Variants in PGGT1B observed in about 807,000 individuals in gnomAD.
PGGT1B encodes the protein protein geranylgeranyltransferase type I subunit beta.
In PGGT1B, 30 loss-of-function variants were observed where a neutral mutation model predicts 46.1. The ratio of observed to expected loss-of-function variants is 0.65; its 90% confidence interval spans 0.49 to 0.88. PGGT1B has a LOEUF of 0.88. PGGT1B is among the 40% of genes least tolerant of loss of function. PGGT1B has a pLI of 0.00. For synonymous variants in PGGT1B, 170 were observed against 160.0 expected (o/e 1.06, Z -0.47); for missense variants, 376 against 455.9 (o/e 0.82, Z 1.60).
At chr5:115,219,123 T>C (rs1473530799) in intron 7 of PGGT1B, among the ~76,000 whole-genome samples, 1 of 151,816 alleles carries the variant, frequency 6.6e-6, no homozygotes, top group East Asian at 1.9e-4. Flanking sequence ...CATATCAAAT[T>C]GCAAGGGGCT....
intron 2 of PGGT1B, among the ~76,000 whole-genome samples, chr5:115,246,334 T>A (rs1360625919): frequency 6.7e-6 from 1 of 149,548 alleles, no homozygotes; most frequent in Non-Finnish European, 1.5e-5. Context: ...CCATCCTGGG[T>A]GACAGAATGA....
chr5:115,253,080 A>G, intron 2 of PGGT1B, 57 bp downstream of exon 2: 1 of 1,486,530 alleles, frequency 6.7e-7, no homozygotes, highest in Non-Finnish European at 9.2e-7. Flanking sequence ...AGTCCAACAC[A>G]TGTTATGTCA....
intron 2 of PGGT1B, among the ~76,000 whole-genome samples, chr5:115,242,045 C>G (rs1459896807): frequency 6.6e-6 from 1 of 152,156 alleles, no homozygotes; most frequent in Non-Finnish European, 1.5e-5. Flanking sequence ...TTTACTTTAA[C>G]TCATTGCTTC....
At chr5:115,225,214 G>T (rs1339681318) in intron 6 of PGGT1B, among the ~76,000 whole-genome samples, 11 of 152,156 alleles carry the variant, frequency 7.2e-5, no homozygotes, top group Admixed American at 7.2e-4. Flanking sequence ...GAATAAGAAA[G>T]ATTTTCATCT....
chr5:115,249,254 T>C (rs912593329), intron 2 of PGGT1B, among the ~76,000 whole-genome samples: 1 of 152,170 alleles, frequency 6.6e-6, no homozygotes, highest in Non-Finnish European at 1.5e-5. Flanking sequence ...CATTTAATCA[T>C]ATATATTATA....
rs747075976 is a variant in PGGT1B at position 115,212,428 on chromosome 5, A to C, written c.1108T>G (p.Ser370Ala). 6.3e-7 allele frequency: 1 copy of C among 1,575,450 alleles called. No individual in the cohort carries two copies. Among genetic ancestry groups the C allele is most frequent in the Non-Finnish European group, 8.7e-7 (1 of 1,154,922 alleles). The change falls in exon 9 of 9, where the codon TCA becomes GCA. Residue 370 changes from serine (S) to alanine (A), a missense_variant. Coordinates refer to ENST00000419445, the MANE Select transcript of PGGT1B (RefSeq NM_005023.4). ...CATGTGGAGATATGTACATTCTCTG[A>C]GCATTGTTTAGAGTCCTTGGTTTTC... is the stretch of plus-strand genomic sequence containing the variant. ...SWKTKDSKQC[S>A]ENVHIST
chr5:115,241,293 G>T (rs1212785061), intron 3 of PGGT1B, among the ~76,000 whole-genome samples: 1 of 152,106 alleles, frequency 6.6e-6, no homozygotes, highest in East Asian at 1.9e-4. Flanking sequence ...ACAATTAATA[G>T]AAATTTGTGT....
At position 115,231,010 on chromosome 5, in the gene PGGT1B, A is replaced by G; in HGVS notation, c.624T>C (p.Asn208=). Residue 208 remains asparagine (N), a synonymous_variant, in exon 6 of 9, where the codon AAT becomes AAC. Coordinates refer to ENST00000419445, the MANE Select transcript of PGGT1B (RefSeq NM_005023.4). ...CAAGTCCAGCTCCCTGTGCCAGTCC[A>G]TTGTCATAGGACTGAAAAAGAAAAA... The part of the protein sequence containing the change: ...TYIRRSMSYD[N]GLAQGAGLES... 1 of 1,558,098 alleles carries G rather than the reference A, an allele frequency of 6.4e-7. No homozygotes were observed. The highest frequency in any genetic ancestry group is 8.8e-7 in the Non-Finnish European group (1 of 1,139,484).
rs999000592 is a variant in PGGT1B, at chr5:115,216,869, A to G, written c.948T>C (p.His316=). Residue 316 remains histidine, a synonymous_variant, in exon 8 of 9, where the codon CAT becomes CAC. Coordinates refer to ENST00000419445, the MANE Select transcript of PGGT1B (RefSeq NM_005023.4). ...ATTCACAAAGAAAATAATTACCTGG[A>G]TGACTGTCTGGCCACTTGGCAAATC... The part of the protein sequence containing the change: ...VGGFAKWPDS[H]PDALHAYFGI... 5 of 1,465,012 alleles carry G rather than the reference A, an allele frequency of 3.4e-6. No individual in the cohort carries two copies. Among genetic ancestry groups the G allele is most frequent in the Non-Finnish European group, 4.8e-6 (5 of 1,047,218 alleles). The allele number at this position is 1,465,012 out of a possible 1,614,324, so 90.8% of individuals were successfully genotyped here.
rs537307764 is a variant in PGGT1B at position 115,205,783 on chromosome 5, T to G, written c.*6619A>C. 1 of 152,094 alleles carries G rather than the reference T, an allele frequency of 6.6e-6. No individual in the cohort carries two copies. The highest frequency in any genetic ancestry group is 2.4e-5 in the African/African-American group (1 of 41,550). 9.4% of individuals were successfully genotyped at this position (152,094 alleles called of 1,614,324 possible). On this transcript the variant is annotated 3_prime_UTR_variant, in exon 9 of 9. Transcript: ENST00000419445. ...AGTACAACCTTCTTAAAAAGCAGCT[T>G]GGCAAAAACAAAAACATCAAATTTA...
chr5:115,222,248 G>A (rs1756611063), intron 6 of PGGT1B, among the ~76,000 whole-genome samples: 1 of 152,138 alleles, frequency 6.6e-6, no homozygotes, highest in African/African-American at 2.4e-5. Context: ...CTTGGAACAA[G>A]ATTAAGGAAC....
At chr5:115,251,940 C>G (rs185490696) in intron 2 of PGGT1B, among the ~76,000 whole-genome samples, 24 of 151,962 alleles carry the variant, frequency 1.6e-4, no homozygotes, top group African/African-American at 5.8e-4. Flanking sequence ...AAACATCCGG[C>G]AAAAAGGGAA....
At position 115,236,484 on chromosome 5, in the gene PGGT1B, C is replaced by T. The variant is rs1258491376; in HGVS notation, c.518G>A (p.Arg173Gln). 4 of 1,564,996 alleles carry T rather than the reference C, an allele frequency of 2.6e-6. No individual in the cohort carries two copies. The highest frequency in any genetic ancestry group is 1.4e-5 in the African/African-American group (1 of 71,702). ...AATACAGGAAGCACAGTACACAAAT[C>T]GCATGTCATTTTCACTGCCTTCAGG... ...AVPEGSENDMRFVYCASCICY... is the reference protein window; with the variant it reads ...AVPEGSENDMQFVYCASCICY... The change falls in exon 5 of 9, where the codon CGA becomes CAA. Residue 173 changes from arginine (R) to glutamine (Q), a missense_variant. By Grantham distance (43) the Arg-to-Gln change is conservative. Around this residue, in one of 2 missense-constraint regions of PGGT1B, gnomAD observed 222 missense variants for 313.6 expected, o/e 0.71. Transcript: ENST00000419445.
At chr5:115,220,617 C>A (rs967080866) in intron 7 of PGGT1B, among the ~76,000 whole-genome samples, 1 of 151,764 alleles carries the variant, frequency 6.6e-6, no homozygotes, top group African/African-American at 2.4e-5. Flanking sequence ...TGTATATTTT[C>A]AACTGTGGAG....
rs1443857830 is a variant in PGGT1B at position 115,253,259 on chromosome 5, A to G, written c.141-4T>C. 1 of 1,572,820 alleles carries G rather than the reference A, an allele frequency of 6.4e-7. No individual in the cohort carries two copies. The highest frequency in any genetic ancestry group is 1.2e-5 in the South Asian group (1 of 83,638). On this transcript the variant is annotated splice_polypyrimidine_tract_variant and splice_region_variant and intron_variant, in intron 1 of 8. Coordinates refer to ENST00000419445, the MANE Select transcript of PGGT1B (RefSeq NM_005023.4). ...TGCAAAAAATGCAATTGTCAACCTA[A>G]AAGAAAAAAATGTAAAATTCCATCT...
intron 7 of PGGT1B, 113 bp from the exon 8 acceptor site, chr5:115,217,086 A>G (rs1756443063): frequency 1.6e-6 from 1 of 634,484 alleles, no homozygotes; most frequent in Non-Finnish European, 2.8e-6. Flanking sequence ...AGGTGCTCAG[A>G]CCAAGTCTCT....
chr5:115,245,220 A>C (rs1747776542), intron 2 of PGGT1B, among the ~76,000 whole-genome samples: 1 of 152,032 alleles, frequency 6.6e-6, no homozygotes, highest in South Asian at 2.1e-4. Context: ...GCAGACATAT[A>C]GTAGTGGCTC....
chr5:115,217,170 T>G (rs1231929803), intron 7 of PGGT1B, among the ~76,000 whole-genome samples, 197 bp from the exon 8 acceptor site: 1 of 152,144 alleles, frequency 6.6e-6, no homozygotes, highest in East Asian at 1.9e-4. Context: ...ACTCTCCTTT[T>G]CTCGACTCTC....
intron 5 of PGGT1B, among the ~76,000 whole-genome samples, chr5:115,232,438 A>T (rs983251542): frequency 2.6e-5 from 4 of 152,058 alleles, no homozygotes; most frequent in African/African-American, 9.7e-5. Flanking sequence ...GACACAGAAA[A>T]AATACTCCAT....
Sources: allele counts gnomAD v4.1 joint callset (sites outside exome capture counted in the v4.1 genomes callset), GRCh38; gene constraint gnomAD v4.1.1; regional missense constraint gnomAD v4.1.1; transcripts MANE v1.5; gene names NCBI Gene and HGNC (gene_info 2026-07-23, HGNC 2026-07-21).